FAAH2: variants seen among roughly 807,000 people sequenced by gnomAD.
FAAH2 encodes fatty acid amide hydrolase 2, also known as fatty-acid amide hydrolase 2.
Under a neutral mutation model 36.9 loss-of-function variants are expected in FAAH2, and 60 were observed. That is an observed-to-expected ratio of 1.63 (90% CI 1.32 to 2.02). The LOEUF (loss-of-function observed/expected upper bound fraction) is 2.02. Among genes scored for constraint, FAAH2 ranks in the 30% most tolerant of loss-of-function variants. The probability of loss-of-function intolerance (pLI) is 0.00; values close to 1 mark genes in which losing one functional copy is unlikely to be tolerated. For synonymous variants in FAAH2, 214 were observed against 143.8 expected, an observed-to-expected ratio of 1.49 and a Z score of -3.49; for missense variants, 689 against 397.5, an observed-to-expected ratio of 1.73 and a Z score of -6.23.
intron 10 of FAAH2, among the ~76,000 whole-genome samples, chrX:57,475,605 A>T (rs2057251938): frequency 9.0e-6 from 1 of 111,668 alleles, no homozygotes; most frequent in African/African-American, 3.3e-5. Flanking sequence ...CCCTTGTAGT[A>T]TAGTTTTAAG....
intron 5 of FAAH2, among the ~76,000 whole-genome samples, chrX:57,347,915 C>A (rs186335567): frequency 9.1e-6 from 1 of 109,918 alleles, no homozygotes; most frequent in Non-Finnish European, 1.9e-5. Flanking sequence ...GGTAGATAGG[C>A]GCTTACTCAA....
At chrX:57,447,834 C>T (rs906214989) in intron 9 of FAAH2, among the ~76,000 whole-genome samples, 1 of 112,128 alleles carries the variant, frequency 8.9e-6, no homozygotes, top group South Asian at 3.7e-4. Flanking sequence ...CCACAAAGGA[C>T]TCTGAAATGC....
chrX:57,458,798 C>T (rs1314646043), intron 10 of FAAH2, among the ~76,000 whole-genome samples: 5 of 112,254 alleles, frequency 4.5e-5, no homozygotes, highest in Non-Finnish European at 9.4e-5. Flanking sequence ...ATTTACTATG[C>T]TTTCCCCACA....
intron 10 of FAAH2, among the ~76,000 whole-genome samples, chrX:57,488,116 A>C (rs2057508190): frequency 9.0e-6 from 1 of 111,723 alleles, no homozygotes; most frequent in Non-Finnish European, 1.9e-5. Context: ...GGATTGGGGG[A>C]ATAGAGAAAT....
intron 2 of FAAH2, among the ~76,000 whole-genome samples, chrX:57,309,857 G>A (rs748679482): frequency 7.2e-5 from 8 of 111,595 alleles, no homozygotes; most frequent in Non-Finnish European, 1.5e-4. Context: ...GATTCCATGT[G>A]TTTACTATTG....
chrX:57,308,220 C>T (rs1243374032), intron 2 of FAAH2, among the ~76,000 whole-genome samples: 1 of 111,990 alleles, frequency 8.9e-6, no homozygotes, highest in East Asian at 2.8e-4. Context: ...AATCTCCAAA[C>T]TGCTTTCCAC....
At chrX:57,145,127 C>T in the FAAH2 span, among the ~76,000 whole-genome samples, 1 of 111,685 alleles carries the variant, frequency 9.0e-6, no homozygotes, top group Non-Finnish European at 1.9e-5. Flanking sequence ...CCTAAGGAAT[C>T]TCCACACTGT....
chrX:57,375,263 TTCTC>T (rs1275824180), intron 5 of FAAH2, among the ~76,000 whole-genome samples: 3 of 110,220 alleles, frequency 2.7e-5, no homozygotes, highest in Non-Finnish European at 5.7e-5. Flanking sequence ...GATTCCTTCT[TTCTC>T]TATCTTGTGG....
intron 10 of FAAH2, among the ~76,000 whole-genome samples, chrX:57,479,652 A>G (rs1469864804): frequency 9.0e-6 from 1 of 111,329 alleles, no homozygotes; most frequent in South Asian, 3.8e-4. Context: ...TTATTTTGAG[A>G]TACGTCCCAT....
intron 5 of FAAH2, among the ~76,000 whole-genome samples, chrX:57,348,296 G>T (rs1047201722): frequency 9.0e-6 from 1 of 110,524 alleles, no homozygotes; most frequent in Non-Finnish European, 1.9e-5. Context: ...AGTGTTAGTT[G>T]CTGGCCCAAA....
intron 3 of FAAH2, among the ~76,000 whole-genome samples, chrX:57,311,595 C>T (rs945316500): frequency 4.5e-5 from 5 of 111,796 alleles, no homozygotes; most frequent in African/African-American, 6.5e-5. Context: ...TCCCATTCCT[C>T]CGAGGAGGTG....
At chrX:57,485,939 G>A (rs2057466573) in intron 10 of FAAH2, among the ~76,000 whole-genome samples, 1 of 111,700 alleles carries the variant, frequency 9.0e-6, no homozygotes, top group Admixed American at 9.6e-5. Context: ...TAGCAACCCT[G>A]GACAGCTGAC....
At chrX:57,328,630 ACT>A (rs764945269) in intron 3 of FAAH2, among the ~76,000 whole-genome samples, 11 of 109,991 alleles carry the variant, frequency 1.0e-4, no homozygotes, top group Non-Finnish European at 5.7e-5. Context: ...GAAGGAAAAC[ACT>A]CTGATTTTTT....
chrX:57,394,376 A>G, intron 7 of FAAH2: 2 of 1,191,216 alleles, frequency 1.7e-6, no homozygotes, highest in Non-Finnish European at 2.3e-6. Flanking sequence ...TAGTGCTGAC[A>G]GCAGAACTTT....
intron 4 of FAAH2, among the ~76,000 whole-genome samples, chrX:57,336,590 C>A (rs2053558025): frequency 8.9e-6 from 1 of 111,916 alleles, no homozygotes. Context: ...TCATCCCACA[C>A]CAAACCACAC....
At chrX:57,173,520 CA>C in the FAAH2 span, among the ~76,000 whole-genome samples, 1 of 111,782 alleles carries the variant, frequency 8.9e-6, no homozygotes, top group African/African-American at 3.2e-5. Context: ...ATATTATCAG[CA>C]AAAAGAGGTA....
chrX:57,301,934 C>G (rs996049146), intron 2 of FAAH2, among the ~76,000 whole-genome samples: 1 of 112,060 alleles, frequency 8.9e-6, no homozygotes, highest in African/African-American at 3.2e-5. Flanking sequence ...AATGCAGTTT[C>G]GTCTTATGCT....
At chrX:57,468,034 G>A (rs2057083841) in intron 10 of FAAH2, among the ~76,000 whole-genome samples, 1 of 111,966 alleles carries the variant, frequency 8.9e-6, no homozygotes, top group Admixed American at 9.5e-5. Context: ...TGCAGCTGAT[G>A]GTCTACGCTG....
At chrX:57,477,663 C>T (rs746702692) in intron 10 of FAAH2, among the ~76,000 whole-genome samples, 311 of 102,768 alleles carry the variant, frequency 3.0e-3, no homozygotes, top group Middle Eastern at 0.015. Flanking sequence ...CAACAGGCCC[C>T]GGTGTAAGAT....
Sources: allele counts gnomAD v4.1 joint callset (sites outside exome capture counted in the v4.1 genomes callset), GRCh38; gene constraint gnomAD v4.1.1; transcripts MANE v1.5; gene names NCBI Gene and HGNC (gene_info 2026-07-23, HGNC 2026-07-21).